The following GLP2R variants were observed in gnomAD, a reference collection of about 807,000 sequenced individuals.
The protein encoded by GLP2R is glucagon like peptide 2 receptor.
GLP2R carries 59 observed loss-of-function variants against 68.2 expected under a neutral mutation model. The observed-to-expected ratio is 0.87, with a 90% CI of 0.70 to 1.07. The LOEUF (loss-of-function observed/expected upper bound fraction) is 1.07, where lower values mean the gene tolerates loss of function less well. Among genes scored for constraint, GLP2R ranks in the 50% least tolerant of loss-of-function variants. The probability of loss-of-function intolerance (pLI) is 0.00; values close to 1 mark genes in which losing one functional copy is unlikely to be tolerated. For synonymous variants in GLP2R, 270 were observed against 265.4 expected, an observed-to-expected ratio of 1.02 and a Z score of -0.17; for missense variants, 548 against 677.4, an observed-to-expected ratio of 0.81 and a Z score of 2.12.
intron 1 of GLP2R, among the ~76,000 whole-genome samples, chr17:9,826,622 A>G (rs993990877): frequency 3.3e-5 from 5 of 152,092 alleles, no homozygotes; most frequent in Admixed American, 1.3e-4. Flanking sequence ...GTATTCTCCC[A>G]GCTTTGAGTA....
intron 10 of GLP2R, among the ~76,000 whole-genome samples, chr17:9,873,154 C>T (rs12953287): frequency 0.15 from 23,321 of 152,140 alleles, 2,487 homozygotes; most frequent in East Asian, 0.49. Context: ...TGGGTGCACT[C>T]AGGGAGGAGA....
At chr17:9,877,573 A>G (rs1278357828) in intron 10 of GLP2R, among the ~76,000 whole-genome samples, 1 of 152,190 alleles carries the variant, frequency 6.6e-6, no homozygotes, top group African/African-American at 2.4e-5. Context: ...ACAAACGGGC[A>G]TGGTTATGTA....
intron 10 of GLP2R, among the ~76,000 whole-genome samples, chr17:9,877,014 A>G (rs148281269): frequency 7.2e-4 from 110 of 152,338 alleles, no homozygotes; most frequent in African/African-American, 2.5e-3. Context: ...AGATGAGGAA[A>G]CTAACAGAGA....
At chr17:9,861,481 C>T (rs2152040202) in intron 8 of GLP2R, among the ~76,000 whole-genome samples, 1 of 152,190 alleles carries the variant, frequency 6.6e-6, no homozygotes, top group South Asian at 2.1e-4. Context: ...CAGTATTGTT[C>T]ATAGTGAGAA....
intron 2 of GLP2R, among the ~76,000 whole-genome samples, chr17:9,835,008 A>G (rs999735136): frequency 3.4e-5 from 5 of 149,048 alleles, no homozygotes; most frequent in Non-Finnish European, 7.4e-5. Context: ...CTAAGATTTC[A>G]ATGCCAGAAA....
At chr17:9,855,354 C>A (rs1597388826) in intron 5 of GLP2R, among the ~76,000 whole-genome samples, 1 of 152,336 alleles carries the variant, frequency 6.6e-6, no homozygotes, top group Admixed American at 6.5e-5. Context: ...GTTGGCTACA[C>A]AGCTAGAATT....
chr17:9,868,444 G>A (rs1456818500), intron 9 of GLP2R, among the ~76,000 whole-genome samples: 1 of 152,208 alleles, frequency 6.6e-6, no homozygotes, highest in Non-Finnish European at 1.5e-5. Context: ...TGTCACATCT[G>A]AGAATGCATC....
At chr17:9,833,253 A>G (rs1194599699) in intron 1 of GLP2R, among the ~76,000 whole-genome samples, 1 of 150,588 alleles carries the variant, frequency 6.6e-6, no homozygotes, top group Non-Finnish European at 1.5e-5. Context: ...ACAGATTAAG[A>G]CTCTGTCTTA....
chr17:9,843,532 C>T (rs1178221726), intron 4 of GLP2R, among the ~76,000 whole-genome samples: 2 of 152,240 alleles, frequency 1.3e-5, no homozygotes, highest in African/African-American at 4.8e-5. Context: ...ACCACAGTAA[C>T]TGGTCCGCAA....
At chr17:9,871,505 G>T (rs1216227514) in intron 10 of GLP2R, among the ~76,000 whole-genome samples, 1 of 152,052 alleles carries the variant, frequency 6.6e-6, no homozygotes, top group Non-Finnish European at 1.5e-5. Context: ...CAAACTTTTA[G>T]GGTCTAAGGA....
In GLP2R at chr17:9,889,607, G is replaced by T. The variant is rs1293421270; in HGVS notation, c.1564G>T (p.Ala522Ser). The change falls in exon 13 of 13, where the codon GCA becomes TCA. Residue 522 changes from alanine to serine, a missense_variant. Coordinates refer to ENST00000262441, the MANE Select transcript of GLP2R (RefSeq NM_004246.3). The part of the protein sequence containing the change: ...ELGAQPQQDH[A>S]RWPRGSSLSE... ...GGGCGCCCAGCCCCAACAGGACCAT[G>T]CACGCTGGCCCCGGGGCAGCAGCCT... is the stretch of plus-strand genomic sequence containing the variant. 1 of 1,613,974 alleles carries T rather than the reference G, an allele frequency of 6.2e-7. No individual in the cohort carries two copies. The highest frequency in any genetic ancestry group is 2.2e-5 in the East Asian group (1 of 44,870).
rs1662720997 is a variant in GLP2R at position 9,891,762 on chromosome 17, T to G, written c.*2057T>G. On this transcript the variant is annotated 3_prime_UTR_variant, in exon 13 of 13. Coordinates refer to ENST00000262441, the MANE Select transcript of GLP2R (RefSeq NM_004246.3). ...AGCTCAGTCATGAAAATCTATGTCT[T>G]TCTATTTTTCTCCTTTCTGCAAATG... is the stretch of plus-strand genomic sequence containing the variant. The G allele has an allele frequency of 1.3e-5, 2 of 151,982 alleles. No individual in the cohort carries two copies. Among genetic ancestry groups the G allele is most frequent in the South Asian group, 4.2e-4 (2 of 4,814 alleles). 9.4% of individuals were successfully genotyped at this position (151,982 alleles called of 1,614,324 possible).
At chr17:9,857,651 G>A (rs755676522) in intron 6 of GLP2R, 75 bp downstream of exon 6, 1 of 1,437,660 alleles carries the variant, frequency 7.0e-7, no homozygotes, top group Non-Finnish European at 9.8e-7. Flanking sequence ...AGGCAGGCAG[G>A]TGGGACTAGG....
intron 12 of GLP2R, 133 bp from the exon 13 acceptor site, chr17:9,889,237 C>A (rs2152051646): frequency 1.6e-6 from 1 of 620,410 alleles, no homozygotes; most frequent in East Asian, 2.7e-5. Flanking sequence ...ATCTTTGTTT[C>A]TCCTTGTCTC....
intron 6 of GLP2R, among the ~76,000 whole-genome samples, chr17:9,859,628 TA>T (rs150895787): frequency 2.1e-4 from 26 of 123,636 alleles, no homozygotes; most frequent in Non-Finnish European, 3.6e-4. Context: ...CTGTGTCTAC[TA>T]AAAAAAAATA....
intron 3 of GLP2R, among the ~76,000 whole-genome samples, chr17:9,842,161 A>T (rs545118649): frequency 2.6e-5 from 4 of 152,100 alleles, no homozygotes; most frequent in Non-Finnish European, 5.9e-5. Flanking sequence ...TCAGGAAGAG[A>T]TGCCCCACCT....
intron 3 of GLP2R, among the ~76,000 whole-genome samples, chr17:9,838,633 TA>T (rs112607731): frequency 0.017 from 2,584 of 150,286 alleles, 71 homozygotes; most frequent in African/African-American, 0.056. Context: ...AAAGCCTCTT[TA>T]AAAAAAAAAT....
At chr17:9,868,143 G>A (rs183462244) in intron 9 of GLP2R, among the ~76,000 whole-genome samples, 19 of 152,322 alleles carry the variant, frequency 1.2e-4, no homozygotes, top group African/African-American at 3.8e-4. Flanking sequence ...AATGAAAGGA[G>A]AAAGGGCTTC....
intron 4 of GLP2R, among the ~76,000 whole-genome samples, 155 bp from the exon 5 acceptor site, chr17:9,854,340 A>G (rs1400476574): frequency 6.6e-6 from 1 of 152,070 alleles, no homozygotes; most frequent in Non-Finnish European, 1.5e-5. Flanking sequence ...AATCTAAACT[A>G]CCCTATTTGG....
Sources: gnomAD v4.1 joint callset for allele counts (sites outside exome capture counted in the v4.1 genomes callset) on GRCh38, gnomAD v4.1.1 for gene constraint, MANE v1.5 for transcripts, NCBI Gene and HGNC (gene_info 2026-07-23, HGNC 2026-07-21) for gene names.